Variants in FGF1 observed in about 807,000 individuals in gnomAD.
FGF1 encodes fibroblast growth factor 1.
A neutral mutation model predicts 13.4 loss-of-function variants in FGF1; 9 were observed. The observed-to-expected ratio is 0.67, with a 90% CI of 0.40 to 1.17. The LOEUF (loss-of-function observed/expected upper bound fraction) is 1.17, where lower values mean the gene tolerates loss of function less well. Among genes scored for constraint, FGF1 ranks in the 50% most tolerant of loss-of-function variants. The pLI is 0.01. For missense variants in FGF1, 156 were observed against 192.7 expected (o/e 0.81, Z 1.13); for synonymous variants, 93 against 79.0 (o/e 1.18, Z -0.94).
intron 1 of FGF1, among the ~76,000 whole-genome samples, chr5:142,636,209 C>T (rs985447380): frequency 1.3e-5 from 2 of 152,226 alleles, no homozygotes; most frequent in Non-Finnish European, 2.9e-5. Flanking sequence ...ATTTGCTCCA[C>T]AGTTCTGCTT....
At chr5:142,689,805 TCTC>T (rs1442469299), upstream of FGF1, among the ~76,000 whole-genome samples, 7 of 149,672 alleles carry the variant, frequency 4.7e-5, no homozygotes, top group Non-Finnish European at 8.9e-5. Flanking sequence ...TTCACGCCAT[TCTC>T]CTGCCTCAGC....
intron 1 of FGF1, among the ~76,000 whole-genome samples, chr5:142,666,183 G>T (rs77094058): frequency 1 from 97,129 of 97,134 alleles, 48,562 homozygotes; most frequent in Middle Eastern, 1. Flanking sequence ...ATATTAGGGT[G>T]AAATCTGTAT....
chr5:142,625,433 T>A (rs1163949762), intron 1 of FGF1, among the ~76,000 whole-genome samples: 1 of 151,824 alleles, frequency 6.6e-6, no homozygotes, highest in Non-Finnish European at 1.5e-5. Context: ...CACAAAACAC[T>A]CCCCCTCATA....
chr5:142,631,328 C>A (rs932310192), intron 1 of FGF1, among the ~76,000 whole-genome samples: 3 of 152,188 alleles, frequency 2.0e-5, no homozygotes, highest in South Asian at 2.1e-4. Flanking sequence ...TTCCTGGGAA[C>A]CACAGGAAAT....
intron 2 of FGF1, among the ~76,000 whole-genome samples, chr5:142,601,413 A>C (rs1448455341): frequency 6.6e-6 from 1 of 152,136 alleles, no homozygotes; most frequent in Non-Finnish European, 1.5e-5. Flanking sequence ...ACTCCCTCAC[A>C]ATGAAGTTTC....
intron 1 of FGF1, among the ~76,000 whole-genome samples, chr5:142,677,528 C>T (rs1209471290): frequency 6.6e-6 from 1 of 152,220 alleles, no homozygotes; most frequent in African/African-American, 2.4e-5. Flanking sequence ...TGACACATAG[C>T]ATAGGGTCCT....
chr5:142,613,909 C>A, intron 2 of FGF1, 50 bp downstream of exon 2: 1 of 1,591,652 alleles, frequency 6.3e-7, no homozygotes, highest in Non-Finnish European at 8.6e-7. Flanking sequence ...CCCACCTTGA[C>A]TACAGAAGAT....
At chr5:142,681,317 T>G (rs1773651222) in intron 1 of FGF1, among the ~76,000 whole-genome samples, 3 of 152,254 alleles carry the variant, frequency 2.0e-5, no homozygotes, top group Admixed American at 1.3e-4. Context: ...CAACATGACC[T>G]CTGGCCTTAG....
At chr5:142,648,605 A>G (rs1489048239) in intron 1 of FGF1, among the ~76,000 whole-genome samples, 1 of 147,812 alleles carries the variant, frequency 6.8e-6, no homozygotes, top group Non-Finnish European at 1.5e-5. Context: ...GTGTATACCT[A>G]TGTAACAAAC....
At position 142,593,523 on chromosome 5, in the gene FGF1, T is replaced by G. The variant is rs1331713995; in HGVS notation, c.*1767A>C. ...CAGTTACTAAGGAATTGTTTTTAGT[T>G]AACAATTACTTCAATTTCATATGAA... On this transcript the variant is annotated 3_prime_UTR_variant, in exon 4 of 4. Coordinates refer to ENST00000337706, the MANE Select transcript of FGF1 (RefSeq NM_000800.5). 2.6e-5 allele frequency: 4 copies of G among 152,232 alleles called. No homozygotes were observed. The highest frequency in any genetic ancestry group is 5.9e-5 in the Non-Finnish European group (4 of 68,044). 9.4% of individuals were successfully genotyped at this position (152,232 alleles called of 1,614,324 possible).
chr5:142,647,988 A>C (rs6580253), intron 1 of FGF1, among the ~76,000 whole-genome samples: 2 of 151,942 alleles, frequency 1.3e-5, no homozygotes. Flanking sequence ...GCGAGGCTGA[A>C]GCAGGAGAAT....
chr5:142,651,807 A>AT (rs1767300030), intron 1 of FGF1, among the ~76,000 whole-genome samples: 2 of 146,270 alleles, frequency 1.4e-5, no homozygotes, highest in South Asian at 2.2e-4. Flanking sequence ...TCCTCCATAT[A>AT]TTTTTTGTGT....
chr5:142,670,424 C>T (rs1056833496), intron 1 of FGF1, among the ~76,000 whole-genome samples: 1 of 152,166 alleles, frequency 6.6e-6, no homozygotes, highest in African/African-American at 2.4e-5. Context: ...ATGCTACCTC[C>T]ACTGCAAAGC....
Position 142,686,046 on chromosome 5 carries a change from C to T in FGF1, c.-124G>A, listed in dbSNP as rs1392020589. 1.3e-5 allele frequency: 2 copies of T among 152,210 alleles called. No individual in the cohort carries two copies. Among genetic ancestry groups the T allele is most frequent in the African/African-American group, 4.8e-5 (2 of 41,424 alleles). The allele number at this position is 152,210 out of a possible 1,614,324, so 9.4% of individuals were successfully genotyped here. A position where few individuals can be genotyped will look rare whatever the true frequency, so the allele number is the denominator to read the frequency against. The stretch of plus-strand genomic sequence containing the variant: ...AGCAGAATCCACTTGGTGTCTTCTT[C>T]TCAGAGTAGCCCGGCTCTCTGAACC... On this transcript the variant is annotated 5_prime_UTR_variant, in exon 1 of 4. Transcript: ENST00000337706.
chr5:142,624,502 A>G (rs148541163), intron 1 of FGF1, among the ~76,000 whole-genome samples: 1 of 152,336 alleles, frequency 6.6e-6, no homozygotes, highest in East Asian at 1.9e-4. Context: ...CTAGTGATGA[A>G]TTTTCAGTAT....
chr5:142,691,455 TAAAATAAAATAAAATA>T (rs1441313644), intron 2 of FGF1, among the ~76,000 whole-genome samples: 20 of 118,436 alleles, frequency 1.7e-4, no homozygotes, highest in Admixed American at 2.6e-4. Context: ...TAAAATAAAA[TAAAATAAAATAAAATA>T]AAATAAAATA....
intron 1 of FGF1, among the ~76,000 whole-genome samples, chr5:142,668,748 C>A (rs1459322854): frequency 6.6e-6 from 1 of 152,180 alleles, no homozygotes; most frequent in Non-Finnish European, 1.5e-5. Flanking sequence ...TCTAACATCT[C>A]ATAATTTTAG....
intron 2 of FGF1, among the ~76,000 whole-genome samples, chr5:142,605,552 C>T (rs1365554253): frequency 2.6e-5 from 4 of 152,222 alleles, no homozygotes; most frequent in Admixed American, 1.3e-4. Flanking sequence ...CCATCATGGC[C>T]ATGAAGAGGC....
At position 142,679,538 on chromosome 5, in the gene FGF1, T is replaced by G. The variant is rs142161032; in HGVS notation, c.-35+6419A>C. ...GTCCTCAGGCACTGCTGTAGCCCAG[T>G]GTCTCACATGCCCTCTGGCACACAG... On this transcript the variant is annotated intron_variant, in intron 1 of 3. Coordinates refer to ENST00000337706, the MANE Select transcript of FGF1 (RefSeq NM_000800.5). Among the ~76,000 whole-genome samples, 936 of 152,322 alleles carry G rather than the reference T, an allele frequency of 6.1e-3. 8 individuals carry two copies. Among genetic ancestry groups the G allele is most frequent in the African/African-American group, 0.021 (893 of 41,558 alleles).
Sources: gnomAD v4.1 joint callset for allele counts (sites outside exome capture counted in the v4.1 genomes callset) on GRCh38, gnomAD v4.1.1 for gene constraint, MANE v1.5 for transcripts, NCBI Gene and HGNC (gene_info 2026-07-23, HGNC 2026-07-21) for gene names.